Variants in PLXNC1 observed in about 807,000 individuals in gnomAD.
The protein encoded by PLXNC1 is plexin C1.
PLXNC1 carries 75 observed loss-of-function variants against 178.2 expected under a neutral mutation model. The observed-to-expected ratio is 0.42, with a 90% CI of 0.35 to 0.51. The LOEUF is 0.51. PLXNC1 is among the 20% of genes least tolerant of loss of function. The pLI, the probability that PLXNC1 is intolerant of heterozygous loss-of-function variation, is 0.02. For missense variants in PLXNC1, 1,503 were observed against 1,984.4 expected, an observed-to-expected ratio of 0.76 and a Z score of 4.61; for synonymous variants, 790 against 779.9, an observed-to-expected ratio of 1.01 and a Z score of -0.22.
chr12:94,156,986 G>A (rs1272072718), intron 1 of PLXNC1, among the ~76,000 whole-genome samples: 1 of 152,138 alleles, frequency 6.6e-6, no homozygotes, highest in Non-Finnish European at 1.5e-5. Flanking sequence ...ATAGGCATAA[G>A]CCAGCACACT....
rs889634118 is a variant in PLXNC1, at chr12:94,306,618, TCCCCCATCTAGGAAAGAAAA to T, written c.*1334_*1353del. ...CACCTTTTACCCTTGGTGCTCCAAATCCCCCATCTAGGAAAGAAAATTTTTTCAAGTCAAATAACATTGAT... is the reference window on the plus strand; with the variant it reads ...CACCTTTTACCCTTGGTGCTCCAAATTTTTTTCAAGTCAAATAACATTGAT... On this transcript the variant is annotated 3_prime_UTR_variant, in exon 31 of 31. Coordinates refer to ENST00000258526, the MANE Select transcript of PLXNC1 (RefSeq NM_005761.3). The T allele has an allele frequency of 6.6e-6, 1 of 152,188 alleles. No homozygotes were observed. Among genetic ancestry groups the T allele is most frequent in the Non-Finnish European group, 1.5e-5 (1 of 68,034 alleles). The allele number at this position is 152,188 out of a possible 1,614,324, so 9.4% of individuals were successfully genotyped here. A position where few individuals can be genotyped will look rare whatever the true frequency, so the allele number is the denominator to read the frequency against.
At position 94,149,515 on chromosome 12, in the gene PLXNC1, A is replaced by G. The variant is rs1413970752; in HGVS notation, c.544A>G (p.Thr182Ala). The G allele has an allele frequency of 2.0e-6, 3 of 1,535,774 alleles. No individual in the cohort carries two copies. Among genetic ancestry groups the G allele is most frequent in the Non-Finnish European group, 2.6e-6 (3 of 1,146,816 alleles). ...NNRWYLAVAA[T>A]YVLPEPETAS... is the part of the protein sequence containing the mutation. Reference sequence around the variant, plus strand: ...CCGCTGGTACCTGGCGGTGGCCGCCACCTACGTGCTGCCTGAGCCGGAGAC... The same window carrying G: ...CCGCTGGTACCTGGCGGTGGCCGCCGCCTACGTGCTGCCTGAGCCGGAGAC... Residue 182 changes from threonine (T) to alanine (A), a missense_variant, in exon 1 of 31, where the codon ACC becomes GCC. Around this residue, in one of 4 missense-constraint regions of PLXNC1, gnomAD observed 73 missense variants for 125.4 expected, o/e 0.58. Transcript: ENST00000258526.
chr12:94,189,354 A>G (rs772723216), intron 4 of PLXNC1, among the ~76,000 whole-genome samples: 6 of 152,192 alleles, frequency 3.9e-5, no homozygotes, highest in Non-Finnish European at 5.9e-5. Context: ...AAAAGGTGGC[A>G]GGGTCTGTGT....
intron 1 of PLXNC1, among the ~76,000 whole-genome samples, chr12:94,154,698 G>A (rs1287511033): frequency 6.6e-6 from 1 of 152,234 alleles, no homozygotes; most frequent in Non-Finnish European, 1.5e-5. Context: ...CACAGGCATA[G>A]GATAGCAGAG....
intron 23 of PLXNC1, among the ~76,000 whole-genome samples, chr12:94,287,195 G>C (rs948264559): frequency 6.6e-6 from 1 of 152,256 alleles, no homozygotes; most frequent in Admixed American, 6.5e-5. Context: ...GTCCTGTGCA[G>C]ACAAAGGGTT....
intron 4 of PLXNC1, among the ~76,000 whole-genome samples, chr12:94,197,584 T>C (rs543857929): frequency 3.3e-4 from 50 of 152,110 alleles, no homozygotes; most frequent in Non-Finnish European, 6.6e-4. Context: ...AAAATAAATT[T>C]ATTTTCTTTA....
intron 4 of PLXNC1, among the ~76,000 whole-genome samples, chr12:94,199,303 G>A (rs1171866823): frequency 6.6e-6 from 1 of 151,860 alleles, no homozygotes; most frequent in African/African-American, 2.4e-5. Flanking sequence ...TGACGTCTGT[G>A]CGGTGACACT....
intron 3 of PLXNC1, among the ~76,000 whole-genome samples, chr12:94,182,489 G>A (rs1346905776): frequency 6.9e-6 from 1 of 145,656 alleles, no homozygotes; most frequent in Admixed American, 6.9e-5. Context: ...ACTCTGGGAA[G>A]CCAAGGCAGG....
At chr12:94,277,758 T>C (rs575977761) in intron 21 of PLXNC1, 3 of 357,202 alleles carry the variant, frequency 8.4e-6, no homozygotes, top group African/African-American at 6.4e-5. Context: ...CCAACAATAG[T>C]AATTGTACAG....
intron 24 of PLXNC1, among the ~76,000 whole-genome samples, chr12:94,295,297 C>G (rs1455773911): frequency 6.6e-6 from 1 of 152,196 alleles, no homozygotes; most frequent in Non-Finnish European, 1.5e-5. Context: ...CTTGATTATA[C>G]AGACAGGATA....
At chr12:94,166,374 C>T (rs139428422) in intron 1 of PLXNC1, among the ~76,000 whole-genome samples, 66 of 152,184 alleles carry the variant, frequency 4.3e-4, no homozygotes, top group African/African-American at 1.6e-3. Context: ...GAGATTAAAT[C>T]ACATTTACAA....
chr12:94,219,013 GAC>G (rs1335368267), intron 5 of PLXNC1, among the ~76,000 whole-genome samples: 13 of 152,226 alleles, frequency 8.5e-5, no homozygotes, highest in Non-Finnish European at 1.6e-4. Flanking sequence ...ATATCATAAA[GAC>G]AGAAATTTTT....
At chr12:94,292,014 G>A (rs995086534) in intron 23 of PLXNC1, among the ~76,000 whole-genome samples, 1 of 152,108 alleles carries the variant, frequency 6.6e-6, no homozygotes, top group Non-Finnish European at 1.5e-5. Flanking sequence ...GCTTCTTCGC[G>A]TGTTTTTGCA....
chr12:94,213,145 A>G (rs1193613900), intron 5 of PLXNC1, among the ~76,000 whole-genome samples: 1 of 152,266 alleles, frequency 6.6e-6, no homozygotes. Flanking sequence ...AGCATGATTT[A>G]TAATCCTTTG....
chr12:94,192,434 G>A (rs1417086133), intron 4 of PLXNC1, among the ~76,000 whole-genome samples: 1 of 151,416 alleles, frequency 6.6e-6, no homozygotes, highest in South Asian at 2.1e-4. Flanking sequence ...GGGATATAAT[G>A]TGTATCAGTT....
intron 9 of PLXNC1, 180 bp downstream of exon 9, chr12:94,227,415 G>A: frequency 2.1e-6 from 1 of 478,670 alleles, no homozygotes; most frequent in Non-Finnish European, 3.8e-6. Flanking sequence ...ATCAATGGCT[G>A]GACACTCACA....
intron 2 of PLXNC1, among the ~76,000 whole-genome samples, chr12:94,173,876 CCT>C (rs1018701318): frequency 1.3e-5 from 2 of 152,178 alleles, no homozygotes; most frequent in East Asian, 1.9e-4. Flanking sequence ...AGAGCCCGCT[CCT>C]CTCTGAGCTG....
At position 94,288,933 on chromosome 12, in the gene PLXNC1, AAT is replaced by A. The variant is rs1249642582; in HGVS notation, c.3880-5552_3880-5551del. 1.5e-4 allele frequency among the ~76,000 whole-genome samples: 23 copies of A among 152,192 alleles called. 1 individual carries two copies. The highest frequency in any genetic ancestry group is 1.5e-3 in the Admixed American group (23 of 15,286). On this transcript the variant is annotated intron_variant, in intron 23 of 30. Coordinates refer to ENST00000258526, the MANE Select transcript of PLXNC1 (RefSeq NM_005761.3). ...TCATGTTTTCAGATTTTTTTCTTTA[AAT>A]TATCACAATATTCAGAACATATTCA...
intron 23 of PLXNC1, among the ~76,000 whole-genome samples, chr12:94,290,258 G>T (rs757764671): frequency 2.0e-5 from 3 of 152,214 alleles, no homozygotes; most frequent in Non-Finnish European, 2.9e-5. Flanking sequence ...GAGGAATTTT[G>T]TAACTATGTT....
Sources: gnomAD v4.1 joint callset for allele counts (sites outside exome capture counted in the v4.1 genomes callset) on GRCh38, gnomAD v4.1.1 for gene constraint, gnomAD v4.1.1 regional missense constraint, MANE v1.5 for transcripts, NCBI Gene and HGNC (gene_info 2026-07-23, HGNC 2026-07-21) for gene names.